The following CHST9 variants were observed in gnomAD, a reference collection of about 807,000 sequenced individuals.
CHST9 encodes the protein carbohydrate sulfotransferase 9, also known as GalNAc-4-sulfotransferase 2.
A neutral mutation model predicts 44.4 loss-of-function variants in CHST9; 41 were observed. The ratio of observed to expected loss-of-function variants is 0.92; its 90% CI spans 0.72 to 1.20. The LOEUF (loss-of-function observed/expected upper bound fraction) is 1.20. CHST9 is among the 50% of genes most tolerant of loss of function. CHST9 has a pLI of 0.00. For missense variants in CHST9, 504 were observed against 516.5 expected (o/e 0.98, Z 0.23); for synonymous variants, 171 against 178.4 (o/e 0.96, Z 0.33).
intron 4 of CHST9, among the ~76,000 whole-genome samples, chr18:26,975,967 C>T (rs2056619227): frequency 6.6e-6 from 1 of 151,342 alleles, no homozygotes; most frequent in African/African-American, 2.4e-5. Context: ...TCCCCCACCA[C>T]AGGGAGGAAC....
chr18:27,048,093 G>A (rs889855559), intron 3 of CHST9, among the ~76,000 whole-genome samples: 4 of 152,028 alleles, frequency 2.6e-5, no homozygotes, highest in Admixed American at 6.6e-5. Context: ...CTACATATAC[G>A]GTTTTAAGAA....
intron 2 of CHST9, among the ~76,000 whole-genome samples, chr18:27,092,777 C>T (rs906454315): frequency 7.9e-5 from 12 of 152,068 alleles, no homozygotes; most frequent in African/African-American, 1.7e-4. Context: ...CTGGATCCTG[C>T]GTTCTAGTTT....
At chr18:27,036,333 A>G (rs72880575) in intron 3 of CHST9, among the ~76,000 whole-genome samples, 1 of 152,182 alleles carries the variant, frequency 6.6e-6, no homozygotes, top group East Asian at 1.9e-4. Flanking sequence ...TTAAAAAAAG[A>G]AACAAATATC....
rs145945379 is a variant in CHST9 at position 26,926,089 on chromosome 18, G to C, written c.241-8739C>G. 4.1e-3 allele frequency among the ~76,000 whole-genome samples: 630 copies of C among 152,290 alleles called. 4 individuals are homozygous for C. The highest frequency in any genetic ancestry group is 0.014 in the African/African-American group (595 of 41,558). The stretch of plus-strand genomic sequence containing the variant: ...AAAGAAATCACAATTATGGGTAACA[G>C]GGAGGAACAGTGAACACTTGAAGAG... On this transcript the variant is annotated intron_variant, in intron 5 of 5. Transcript: ENST00000618847.
chr18:27,119,352 A>G (rs2058355148), intron 2 of CHST9, among the ~76,000 whole-genome samples: 1 of 152,186 alleles, frequency 6.6e-6, no homozygotes, highest in Non-Finnish European at 1.5e-5. Flanking sequence ...AGAAGTTCTG[A>G]ACTTAGCTTA....
chr18:27,045,906 C>T (rs545571953), intron 3 of CHST9, among the ~76,000 whole-genome samples: 8 of 152,008 alleles, frequency 5.3e-5, no homozygotes, highest in African/African-American at 9.7e-5. Flanking sequence ...ATCAGCTAGA[C>T]GCTTTACTGA....
intron 4 of CHST9, among the ~76,000 whole-genome samples, chr18:26,978,042 TAA>T (rs2056644867): frequency 1.3e-5 from 2 of 151,840 alleles, no homozygotes. Flanking sequence ...GTGTAAGAAA[TAA>T]GACATGCTTT....
At chr18:27,037,841 T>C (rs1255885638) in intron 3 of CHST9, among the ~76,000 whole-genome samples, 1 of 128,548 alleles carries the variant, frequency 7.8e-6, no homozygotes, top group Non-Finnish European at 1.8e-5. Flanking sequence ...GTTAAGTTTT[T>C]TTTTTTTTAA....
chr18:26,926,661 G>A (rs1468751250), intron 5 of CHST9, among the ~76,000 whole-genome samples: 5 of 152,216 alleles, frequency 3.3e-5, no homozygotes, highest in Non-Finnish European at 5.9e-5. Flanking sequence ...GAGAAGTCAG[G>A]AATGTAGTCC....
rs768923029 is a variant in CHST9, at chr18:26,916,497, T to G, written c.1094A>C (p.Asp365Ala). The change falls in exon 6 of 6, where the codon GAT becomes GCT. Residue 365 changes from aspartate (D) to alanine (A), a missense_variant. By Grantham distance (126) the Asp-to-Ala change is moderately radical (BLOSUM62 -2). Transcript: ENST00000618847. ...CAAAGTCTCAAATTTCCCTACAAAA[T>G]CATAGTTGATCAAACACGGATAGCA... is the stretch of plus-strand genomic sequence containing the variant. The part of the protein sequence containing the change: ...KLCYPCLINY[D>A]FVGKFETLEE... 11 of 1,613,716 alleles carry G rather than the reference T, an allele frequency of 6.8e-6. No individual in the cohort carries two copies. The South Asian group carries it at 1.2e-4, about 18-fold the overall frequency.
intron 2 of CHST9, among the ~76,000 whole-genome samples, chr18:27,069,964 C>T (rs908563826): frequency 2.6e-5 from 4 of 152,104 alleles, no homozygotes; most frequent in Non-Finnish European, 5.9e-5. Flanking sequence ...ACATGGGTTA[C>T]CATTTTAGCA....
At chr18:26,967,555 TTTC>T (rs1173320478) in intron 4 of CHST9, among the ~76,000 whole-genome samples, 3 of 152,346 alleles carry the variant, frequency 2.0e-5, no homozygotes, top group African/African-American at 4.8e-5. Flanking sequence ...TGTTTAGAAA[TTTC>T]TTATTACAAG....
intron 4 of CHST9, among the ~76,000 whole-genome samples, chr18:26,968,341 T>C (rs1369294832): frequency 1.3e-5 from 2 of 152,184 alleles, no homozygotes; most frequent in Non-Finnish European, 2.9e-5. Flanking sequence ...CCACATCCTC[T>C]AGGCTTTAGC....
chr18:26,924,351 C>T (rs906423572), intron 5 of CHST9, among the ~76,000 whole-genome samples: 7 of 151,854 alleles, frequency 4.6e-5, no homozygotes, highest in Non-Finnish European at 1.0e-4. Flanking sequence ...TTATGGGGGC[C>T]CTGGGGTGGG....
intron 2 of CHST9, among the ~76,000 whole-genome samples, chr18:27,059,859 G>A (rs1412389270): frequency 6.6e-6 from 1 of 152,122 alleles, no homozygotes; most frequent in Non-Finnish European, 1.5e-5. Context: ...CAAAGGTTTG[G>A]GCCTCAGACA....
In CHST9 at chr18:26,913,051, C is replaced by G. The variant is rs1222541804; in HGVS notation, c.*3208G>C. On this transcript the variant is annotated 3_prime_UTR_variant, in exon 6 of 6. Transcript: ENST00000618847. The stretch of plus-strand genomic sequence containing the variant: ...CAGGAGGGAGACGTTTACTGTAGTC[C>G]TAGCCTAATCCCAAGTTCTATTAAT... 6.6e-6 allele frequency: 1 copy of G among 152,132 alleles called. No homozygotes were observed. The highest frequency in any genetic ancestry group is 1.5e-5 in the Non-Finnish European group (1 of 68,026). The allele number at this position is 152,132 out of a possible 1,614,324, so 9.4% of individuals were successfully genotyped here.
chr18:26,994,147 A>G (rs1188482629), intron 4 of CHST9, among the ~76,000 whole-genome samples: 1 of 152,232 alleles, frequency 6.6e-6, no homozygotes, highest in Non-Finnish European at 1.5e-5. Flanking sequence ...TCAAAATACA[A>G]TCACATTCTG....
intron 5 of CHST9, among the ~76,000 whole-genome samples, chr18:26,921,804 T>C (rs2055659955): frequency 6.6e-6 from 1 of 152,194 alleles, no homozygotes; most frequent in Admixed American, 6.5e-5. Context: ...AATTATCCTG[T>C]TGCCTTCAAG....
chr18:26,967,074 A>G (rs2056475154), intron 4 of CHST9, among the ~76,000 whole-genome samples: 1 of 152,078 alleles, frequency 6.6e-6, no homozygotes, highest in African/African-American at 2.4e-5. Flanking sequence ...TGAGGGCTTT[A>G]TTCTTCCTTT....
Sources: allele counts gnomAD v4.1 joint callset (sites outside exome capture counted in the v4.1 genomes callset), GRCh38; gene constraint gnomAD v4.1.1; transcripts MANE v1.5; gene names NCBI Gene and HGNC (gene_info 2026-07-23, HGNC 2026-07-21).